The following ADCK1 variants were observed in gnomAD, a reference collection of about 807,000 sequenced individuals.
The protein encoded by ADCK1 is aarF domain-containing protein kinase 1.
In ADCK1, 41 loss-of-function variants were observed where a neutral mutation model predicts 52.3. That is an observed-to-expected ratio of 0.78 (90% CI 0.61 to 1.02). The LOEUF (loss-of-function observed/expected upper bound fraction) is 1.02, where lower values mean the gene tolerates loss of function less well. ADCK1 is among the 50% of genes least tolerant of loss of function. The pLI is 0.00. For missense variants in ADCK1, 658 were observed against 679.5 expected (o/e 0.97, Z 0.35); for synonymous variants, 250 against 274.6 (o/e 0.91, Z 0.89).
At chr14:77,930,196 G>A (rs1293422320) in intron 9 of ADCK1, among the ~76,000 whole-genome samples, 2 of 152,172 alleles carry the variant, frequency 1.3e-5, no homozygotes, top group Non-Finnish European at 2.9e-5. Context: ...TGCCTCTTAA[G>A]GTCTGGCTTT....
At chr14:77,907,715 G>T in intron 6 of ADCK1, 88 bp from the exon 7 acceptor site, 2 of 968,764 alleles carry the variant, frequency 2.1e-6, no homozygotes, top group Non-Finnish European at 3.1e-6. Context: ...AGGAGCCTCT[G>T]TTGCTGTCTG....
chr14:77,808,601 G>T lies in ADCK1; in HGVS notation c.-12+8431G>T, dbSNP rs542106645. On this transcript the variant is annotated intron_variant, in intron 1 of 10. Coordinates refer to ENST00000238561, the MANE Select transcript of ADCK1 (RefSeq NM_020421.4). ...ATTTATTAATTTATTTTGAGACAGGGTTTCGTTCTTGTTGCCCAGGCTGGA... is the reference window on the plus strand; with the variant it reads ...ATTTATTAATTTATTTTGAGACAGGTTTTCGTTCTTGTTGCCCAGGCTGGA... Among the ~76,000 whole-genome samples the T allele has an allele frequency of 5.3e-4, 81 of 152,286 alleles. No individual in the cohort carries two copies. In the South Asian group the frequency reaches 0.016, roughly 31 times the overall value.
At chr14:77,822,330 C>G in intron 2 of ADCK1, 105 bp from the exon 3 acceptor site, 1 of 901,306 alleles carries the variant, frequency 1.1e-6, no homozygotes, top group South Asian at 1.4e-5. Flanking sequence ...TGGCCACTCC[C>G]CCAGACATAG....
intron 7 of ADCK1, among the ~76,000 whole-genome samples, chr14:77,920,982 A>G (rs2084036190): frequency 6.6e-6 from 1 of 151,796 alleles, no homozygotes; most frequent in South Asian, 2.1e-4. Flanking sequence ...CGTGCTTTAA[A>G]CTTTGAAAAT....
At chr14:77,827,350 C>CAAAAAAAAAAAAAAAAAAAAAAA (rs772586548) in intron 3 of ADCK1, among the ~76,000 whole-genome samples, 1 of 72,068 alleles carries the variant, frequency 1.4e-5, no homozygotes, top group South Asian at 4.5e-4. Context: ...GACTCTGTCT[C>CAAAAAAAAAAAAAAAAAAAAAAA]AAAAAAAAAA....
chr14:77,929,728 G>A (rs571845830), intron 9 of ADCK1, among the ~76,000 whole-genome samples: 1 of 152,140 alleles, frequency 6.6e-6, no homozygotes, highest in African/African-American at 2.4e-5. Flanking sequence ...GTGCAGTGGT[G>A]TGATCTCAGC....
chr14:77,917,467 A>G (rs2083951606), intron 7 of ADCK1, among the ~76,000 whole-genome samples: 1 of 152,214 alleles, frequency 6.6e-6, no homozygotes, highest in Non-Finnish European at 1.5e-5. Flanking sequence ...GAGGGTGGGA[A>G]TAAATTAATC....
intron 5 of ADCK1, among the ~76,000 whole-genome samples, chr14:77,892,760 A>G (rs1459205994): frequency 6.6e-6 from 1 of 152,176 alleles, no homozygotes; most frequent in Non-Finnish European, 1.5e-5. Context: ...GCTTAAACCA[A>G]TCATGACTCA....
At chr14:77,914,745 A>C (rs889338127) in intron 7 of ADCK1, among the ~76,000 whole-genome samples, 1 of 152,200 alleles carries the variant, frequency 6.6e-6, no homozygotes, top group Non-Finnish European at 1.5e-5. Flanking sequence ...TGAATTTTGC[A>C]AACTGTGAAG....
chr14:77,858,559 A>G (rs150632652), intron 3 of ADCK1, among the ~76,000 whole-genome samples: 153 of 152,314 alleles, frequency 1.0e-3, no homozygotes, highest in Non-Finnish European at 1.6e-3. Flanking sequence ...CCTTAGCAAC[A>G]AAACGACGGA....
chr14:77,837,112 G>A (rs952700450), intron 3 of ADCK1, among the ~76,000 whole-genome samples: 2 of 151,348 alleles, frequency 1.3e-5, no homozygotes, highest in Admixed American at 1.3e-4. Flanking sequence ...TTGGATTTAG[G>A]GTCCACCTGG....
intron 6 of ADCK1, among the ~76,000 whole-genome samples, chr14:77,903,964 C>G (rs1016277572): frequency 6.6e-6 from 1 of 152,152 alleles, no homozygotes; most frequent in African/African-American, 2.4e-5. Flanking sequence ...CCCATATCAT[C>G]AGTTGGGAGA....
In ADCK1 at chr14:77,894,707, C is replaced by T. The variant is rs116606371; in HGVS notation, c.583-4393C>T. Among the ~76,000 whole-genome samples, 37 of 98,062 alleles carry T rather than the reference C, an allele frequency of 3.8e-4. 1 individual carries two copies. The highest frequency in any genetic ancestry group is 1.6e-3 in the East Asian group (5 of 3,174). 64.3% of individuals were successfully genotyped at this position (98,062 alleles called of 152,430 possible). A position where few individuals can be genotyped will look rare whatever the true frequency, so the allele number is the denominator to read the frequency against. ...TTTGCTATTGTAAATAACAGTCAGT[C>T]GTTTTATTTCTTTTTCTTTTCTTTT... is the stretch of plus-strand genomic sequence containing the variant. On this transcript the variant is annotated intron_variant, in intron 5 of 10. Coordinates refer to ENST00000238561, the MANE Select transcript of ADCK1 (RefSeq NM_020421.4).
chr14:77,879,381 G>A (rs774485951), intron 4 of ADCK1, among the ~76,000 whole-genome samples: 11 of 152,206 alleles, frequency 7.2e-5, no homozygotes, highest in Non-Finnish European at 1.2e-4. Flanking sequence ...CCCTGAGAAT[G>A]TACGCAGGGG....
At chr14:77,828,812 C>T (rs1433986522) in intron 3 of ADCK1, among the ~76,000 whole-genome samples, 1 of 152,162 alleles carries the variant, frequency 6.6e-6, no homozygotes, top group African/African-American at 2.4e-5. Flanking sequence ...CAGGCGTGAG[C>T]CACTGCGCCC....
At chr14:77,921,309 AGAGT>A (rs1334752969) in intron 7 of ADCK1, among the ~76,000 whole-genome samples, 5 of 118,768 alleles carry the variant, frequency 4.2e-5, no homozygotes, top group African/African-American at 1.6e-4. Context: ...CCTGGGCGAC[AGAGT>A]GAGACTCTGT....
At chr14:77,827,853 G>C in intron 3 of ADCK1, 2 of 416,916 alleles carry the variant, frequency 4.8e-6, no homozygotes, top group South Asian at 1.7e-5. Flanking sequence ...TTTTGAGCTA[G>C]AGTCTTGCTG....
intron 3 of ADCK1, among the ~76,000 whole-genome samples, chr14:77,858,442 A>T (rs377308192): frequency 2.0e-5 from 3 of 152,008 alleles, no homozygotes; most frequent in African/African-American, 7.2e-5. Context: ...GGGTTTCACC[A>T]TCTTGGCCAG....
At chr14:77,861,453 GCCT>G (rs1453309626) in intron 4 of ADCK1, among the ~76,000 whole-genome samples, 1 of 151,900 alleles carries the variant, frequency 6.6e-6, no homozygotes, top group Non-Finnish European at 1.5e-5. Flanking sequence ...GGCATTTCCA[GCCT>G]CCTCCAGCCC....
Sources: allele counts gnomAD v4.1 joint callset (sites outside exome capture counted in the v4.1 genomes callset), GRCh38; gene constraint gnomAD v4.1.1; transcripts MANE v1.5; gene names NCBI Gene and HGNC (gene_info 2026-07-23, HGNC 2026-07-21).